SLC4A10: variants seen among roughly 807,000 people sequenced by gnomAD.
SLC4A10 encodes the protein solute carrier family 4 member 10, also known as sodium-driven chloride bicarbonate exchanger.
In SLC4A10, 42 loss-of-function variants were observed where a neutral mutation model predicts 137.7. That is an observed-to-expected ratio of 0.30 (90% CI 0.24 to 0.39). The LOEUF (loss-of-function observed/expected upper bound fraction) is 0.39. SLC4A10 is among the 10% of genes least tolerant of loss of function. The pLI is 1.00. For missense variants in SLC4A10, 925 were observed against 1,355.0 expected (o/e 0.68, Z 4.98); for synonymous variants, 474 against 464.1 (o/e 1.02, Z -0.27).
intron 12 of SLC4A10, 81 bp downstream of exon 12, chr2:161,901,092 T>A (rs1200327689): frequency 1.9e-6 from 2 of 1,049,638 alleles, no homozygotes; most frequent in Non-Finnish European, 2.9e-6. Flanking sequence ...TATTTTGGGA[T>A]CTAATTTATT....
intron 1 of SLC4A10, among the ~76,000 whole-genome samples, chr2:161,720,912 C>G (rs997476752): frequency 2.0e-5 from 3 of 151,906 alleles, no homozygotes; most frequent in Non-Finnish European, 2.9e-5. Context: ...TCACTGCAAC[C>G]TCTGCCCCCA....
chr2:161,941,231 C>T (rs1692626318), intron 15 of SLC4A10, among the ~76,000 whole-genome samples: 1 of 152,068 alleles, frequency 6.6e-6, no homozygotes, highest in South Asian at 2.1e-4. Context: ...ATTTTTTTCT[C>T]TTTATAATGT....
chr2:161,825,512 A>G (rs531768935), intron 3 of SLC4A10, among the ~76,000 whole-genome samples: 1 of 152,262 alleles, frequency 6.6e-6, no homozygotes, highest in South Asian at 2.1e-4. Context: ...AGTTATAATG[A>G]TAGAGTCTCT....
intron 1 of SLC4A10, among the ~76,000 whole-genome samples, chr2:161,646,482 T>C (rs1356035636): frequency 6.6e-6 from 1 of 152,004 alleles, no homozygotes; most frequent in Non-Finnish European, 1.5e-5. Flanking sequence ...CTTGGAAATA[T>C]TTTGAAGCTC....
At chr2:161,759,717 A>G (rs2050042316) in intron 1 of SLC4A10, among the ~76,000 whole-genome samples, 1 of 151,776 alleles carries the variant, frequency 6.6e-6, no homozygotes, top group Non-Finnish European at 1.5e-5. Flanking sequence ...AAATTTTGCT[A>G]TTGAGTTGTA....
intron 15 of SLC4A10, chr2:161,931,180 C>T (rs1278853413): frequency 1.3e-5 from 2 of 152,254 alleles, no homozygotes; most frequent in South Asian, 4.1e-4. Flanking sequence ...TCCCTGTGTT[C>T]TCAATATCCT....
chr2:161,893,117 A>T (rs542154658), intron 10 of SLC4A10, among the ~76,000 whole-genome samples: 7 of 152,200 alleles, frequency 4.6e-5, no homozygotes, highest in African/African-American at 1.7e-4. Flanking sequence ...TTCCATTCAA[A>T]ACTGACATAT....
intron 1 of SLC4A10, among the ~76,000 whole-genome samples, chr2:161,690,684 C>T (rs559536453): frequency 1.1e-4 from 17 of 152,246 alleles, no homozygotes; most frequent in African/African-American, 3.9e-4. Context: ...TAAACTAAAA[C>T]AGGAGCAGAA....
At chr2:161,768,161 A>C (rs2125404268) in intron 1 of SLC4A10, among the ~76,000 whole-genome samples, 1 of 151,972 alleles carries the variant, frequency 6.6e-6, no homozygotes, top group Non-Finnish European at 1.5e-5. Flanking sequence ...ATTATAATCT[A>C]TTTTTCTTTC....
chr2:161,748,436 TTGTGTG>T (rs144251917), intron 1 of SLC4A10, among the ~76,000 whole-genome samples: 40 of 142,512 alleles, frequency 2.8e-4, no homozygotes, highest in Middle Eastern at 3.6e-3. Flanking sequence ...CATTTTGAGT[TTGTGTG>T]TGTGTGTGTG....
At chr2:161,724,747 GT>G (rs2046045677) in intron 1 of SLC4A10, among the ~76,000 whole-genome samples, 1 of 152,114 alleles carries the variant, frequency 6.6e-6, no homozygotes, top group African/African-American at 2.4e-5. Context: ...ATTTATGTTT[GT>G]TTTTGTCTTG....
chr2:161,843,868 G>A (rs1327009748), intron 4 of SLC4A10, among the ~76,000 whole-genome samples: 1 of 151,962 alleles, frequency 6.6e-6, no homozygotes, highest in Non-Finnish European at 1.5e-5. Context: ...CATAATTTAT[G>A]CCCACTGTCA....
At chr2:161,714,711 T>G (rs2044659549) in intron 1 of SLC4A10, among the ~76,000 whole-genome samples, 2 of 152,014 alleles carry the variant, frequency 1.3e-5, no homozygotes, top group African/African-American at 4.8e-5. Flanking sequence ...GGGACTCCTG[T>G]GTTATGATCC....
intron 2 of SLC4A10, among the ~76,000 whole-genome samples, chr2:161,795,015 C>G (rs1486266357): frequency 1.3e-5 from 2 of 151,752 alleles, no homozygotes; most frequent in Non-Finnish European, 2.9e-5. Context: ...CAATATAAGT[C>G]AATTTTTATT....
intron 23 of SLC4A10, among the ~76,000 whole-genome samples, chr2:161,972,275 A>G (rs1018951989): frequency 2.0e-5 from 3 of 152,176 alleles, no homozygotes; most frequent in Non-Finnish European, 2.9e-5. Context: ...CATGTACCTT[A>G]AGATAACCTT....
At chr2:161,649,630 C>T (rs1275026959) in intron 1 of SLC4A10, among the ~76,000 whole-genome samples, 1 of 151,300 alleles carries the variant, frequency 6.6e-6, no homozygotes, top group African/African-American at 2.4e-5. Flanking sequence ...TTTATTTTGC[C>T]TGTTTATTTG....
At chr2:161,933,296 T>A (rs1004041596) in intron 15 of SLC4A10, among the ~76,000 whole-genome samples, 7 of 150,708 alleles carry the variant, frequency 4.6e-5, no homozygotes, top group African/African-American at 1.5e-4. Flanking sequence ...TCTCTTTCTT[T>A]GTTTCTTTTT....
chr2:161,724,185 A>G (rs1012447043), intron 1 of SLC4A10, among the ~76,000 whole-genome samples: 1 of 151,982 alleles, frequency 6.6e-6, no homozygotes, highest in Non-Finnish European at 1.5e-5. Context: ...TCTTCCCCTC[A>G]CCTCAACCAT....
intron 3 of SLC4A10, among the ~76,000 whole-genome samples, chr2:161,836,163 G>T (rs529211665): frequency 2.0e-5 from 3 of 152,194 alleles, no homozygotes; most frequent in Non-Finnish European, 4.4e-5. Flanking sequence ...TATCAGAAGC[G>T]AAGAGAAAGA....
Sources: gnomAD v4.1 joint callset for allele counts (sites outside exome capture counted in the v4.1 genomes callset) on GRCh38, gnomAD v4.1.1 for gene constraint, MANE v1.5 for transcripts, NCBI Gene and HGNC (gene_info 2026-07-23, HGNC 2026-07-21) for gene names.